DMBT1: variants seen among roughly 807,000 people sequenced by gnomAD.
The protein encoded by DMBT1 is deleted in malignant brain tumors 1.
In DMBT1, 198 loss-of-function variants were observed where a neutral mutation model predicts 252.9. That is an observed-to-expected ratio of 0.78 (90% CI 0.70 to 0.88). The LOEUF (loss-of-function observed/expected upper bound fraction) is 0.88. Ranked by LOEUF, DMBT1 falls within the 40% of genes least tolerant of loss-of-function variation. The pLI is 0.00. For synonymous variants in DMBT1, 990 were observed against 942.7 expected (o/e 1.05, Z -0.92); for missense variants, 2,432 against 2,404.7 (o/e 1.01, Z -0.24).
At chr10:122,620,631 C>A (rs897512185) in intron 43 of DMBT1, among the ~76,000 whole-genome samples, 1 of 152,258 alleles carries the variant, frequency 6.6e-6, no homozygotes, top group African/African-American at 2.4e-5. Flanking sequence ...GGGGAAAGTG[C>A]CTGTCCCCAT....
rs1426277963 is a variant in DMBT1 at position 122,597,044 on chromosome 10, G to A, written c.2907G>A (p.Thr969=). ...VICSAAHSWS[T]PSPDTLPTIT... is the part of the protein sequence containing the mutation. ...TCACAGCTGCCCACTCCTGGTCGAC[G>A]CCCAGTCCAGGTGAGTCCCCAGTGT... The change falls in exon 24 of 56, where the codon ACG becomes ACA. Residue 969 remains threonine, a synonymous_variant. Coordinates refer to ENST00000338354, the MANE Select transcript of DMBT1 (RefSeq NM_001377530.1). 8.1e-5 allele frequency: 46 copies of A among 567,484 alleles called. No individual in the cohort carries two copies. The African/African-American group carries it at 1.2e-3, about 15-fold the overall frequency. The allele number at this position is 567,484 out of a possible 1,614,324, so 35.2% of individuals were successfully genotyped here.
At chr10:122,631,990 T>A in intron 50 of DMBT1, 115 bp downstream of exon 50, 2 of 1,192,990 alleles carry the variant, frequency 1.7e-6, no homozygotes, top group Non-Finnish European at 2.5e-6. Flanking sequence ...TGTGGTACCA[T>A]CCTCTACAGC....
At chr10:122,623,470 G>A (rs762381308) in intron 44 of DMBT1, among the ~76,000 whole-genome samples, 1 of 152,124 alleles carries the variant, frequency 6.6e-6, no homozygotes, top group Non-Finnish European at 1.5e-5. Context: ...ATTTATTGTG[G>A]AAACACTGAA....
At position 122,636,153 on chromosome 10, in the gene DMBT1, AG is replaced by A; in HGVS notation, c.6714del (p.Phe2239SerfsTer27). 6.2e-7 allele frequency: 1 copy of A among 1,613,902 alleles called. No homozygotes were observed. Among genetic ancestry groups the A allele is most frequent in the South Asian group, 1.1e-5 (1 of 91,064 alleles). ...FISDHSITRR[G>X]FRAEYYSSPS... ...TCAGTGACCACAGCATCACAAGGAG[AG>A]GGTTCCGGGCTGAGTACTACTCCAG... On this transcript the variant is annotated frameshift_variant, in exon 53 of 56. Coordinates refer to ENST00000338354, the MANE Select transcript of DMBT1 (RefSeq NM_001377530.1). LOFTEE classifies it high-confidence loss of function.
At chr10:122,562,408 G>A (rs1191789398) in intron 1 of DMBT1, among the ~76,000 whole-genome samples, 1 of 152,178 alleles carries the variant, frequency 6.6e-6, no homozygotes, top group Admixed American at 6.5e-5. Context: ...GTGGTAGGGA[G>A]CAGGCCCACC....
chr10:122,627,963 G>A (rs1320538075), intron 46 of DMBT1, among the ~76,000 whole-genome samples: 1 of 152,194 alleles, frequency 6.6e-6, no homozygotes, highest in Admixed American at 6.5e-5. Context: ...TAGCCGTCAG[G>A]GTCATGCAAA....
chr10:122,631,815 C>G (rs1462746784), intron 49 of DMBT1, 40 bp from the exon 50 acceptor site: 1 of 1,612,902 alleles, frequency 6.2e-7, no homozygotes, highest in South Asian at 1.1e-5. Context: ...CTCCAAGCCA[C>G]ATGTCTGTGA....
chr10:122,632,977 G>A, intron 51 of DMBT1, 87 bp downstream of exon 51: 12 of 1,582,500 alleles, frequency 7.6e-6, no homozygotes, highest in Non-Finnish European at 1.0e-5. Context: ...GGGCTGGGGA[G>A]GAGATGGCTT....
intron 6 of DMBT1, among the ~76,000 whole-genome samples, chr10:122,575,210 A>G (rs946795164): frequency 1.1e-4 from 17 of 152,226 alleles, no homozygotes; most frequent in African/African-American, 2.9e-4. Context: ...AGCCAATGCA[A>G]TGAGAGAAGA....
chr10:122,637,438 T>C (rs1417135454), intron 54 of DMBT1, 126 bp downstream of exon 54: 10 of 1,115,360 alleles, frequency 9.0e-6, no homozygotes, highest in Non-Finnish European at 1.2e-5. Context: ...ATAATTGGAA[T>C]AAAGGAAGAT....
chr10:122,618,879 G>GCACT (rs2098030566), intron 41 of DMBT1, among the ~76,000 whole-genome samples: 1 of 152,256 alleles, frequency 6.6e-6, no homozygotes, highest in African/African-American at 2.4e-5. Flanking sequence ...ATGCTGCAGA[G>GCACT]CACTGCCTGT....
chr10:122,623,861 T>A (rs1353405297), intron 44 of DMBT1, among the ~76,000 whole-genome samples: 1 of 152,210 alleles, frequency 6.6e-6, no homozygotes, highest in Non-Finnish European at 1.5e-5. Flanking sequence ...CATTCCTTCA[T>A]GGAGGCCTAA....
In DMBT1 at chr10:122,588,820, T is replaced by C; in HGVS notation, c.1784-124T>C. ...GAAGCTGAACCTCTGGTTGCAGTCA[T>C]CTTTAATCGTGACTGCCTGCCCAGG... On this transcript the variant is annotated intron_variant, in intron 16 of 55. Transcript: ENST00000338354. The C allele has an allele frequency of 2.7e-6, 4 of 1,490,302 alleles. 1 individual carries two copies. Among genetic ancestry groups the C allele is most frequent in the Non-Finnish European group, 3.7e-6 (4 of 1,094,630 alleles). 92.3% of individuals were successfully genotyped at this position (1,490,302 alleles called of 1,614,324 possible).
At chr10:122,634,783 C>T (rs1329298786) in intron 52 of DMBT1, among the ~76,000 whole-genome samples, 1 of 152,122 alleles carries the variant, frequency 6.6e-6, no homozygotes, top group Non-Finnish European at 1.5e-5. Context: ...AGGTGTGAGC[C>T]ACCATGCCTG....
intron 3 of DMBT1, 96 bp from the exon 4 acceptor site, chr10:122,570,794 G>A (rs558973440): frequency 1.0e-5 from 15 of 1,446,898 alleles, no homozygotes; most frequent in Middle Eastern, 1.7e-4. Context: ...TAGGATCTGT[G>A]TTTCCAGCCC....
At chr10:122,626,277 T>C (rs2098118287) in intron 46 of DMBT1, among the ~76,000 whole-genome samples, 1 of 152,242 alleles carries the variant, frequency 6.6e-6, no homozygotes, top group Non-Finnish European at 1.5e-5. Context: ...CATATGGCTA[T>C]GTTTCAATAG....
intron 21 of DMBT1, 117 bp downstream of exon 21, chr10:122,593,715 C>T (rs1160437987): frequency 2.3e-5 from 30 of 1,322,182 alleles, no homozygotes; most frequent in Middle Eastern, 1.9e-4. Flanking sequence ...ATATTATTTC[C>T]ACCCCCAACA....
rs564277951 is a variant in DMBT1 at position 122,563,997 on chromosome 10, G to A, written c.62-1970G>A. Among the ~76,000 whole-genome samples, 20 of 152,340 alleles carry A rather than the reference G, an allele frequency of 1.3e-4. No individual in the cohort carries two copies. The East Asian group carries it at 3.9e-3, about 29-fold the overall frequency. On this transcript the variant is annotated intron_variant, in intron 1 of 55. Coordinates refer to ENST00000338354, the MANE Select transcript of DMBT1 (RefSeq NM_001377530.1). Reference sequence around the variant, plus strand: ...GGAGCAGGGATGGCATGTCAGAAAAGAGGTGGGGATGTTCTGGTACAGAGT... The same window carrying A: ...GGAGCAGGGATGGCATGTCAGAAAAAAGGTGGGGATGTTCTGGTACAGAGT...
At chr10:122,621,729 G>C (rs1319130464) in intron 44 of DMBT1, among the ~76,000 whole-genome samples, 2 of 152,332 alleles carry the variant, frequency 1.3e-5, no homozygotes, top group East Asian at 3.9e-4. Flanking sequence ...GCGGGGCAGA[G>C]GAGGGATCCT....
Sources: allele counts gnomAD v4.1 joint callset (sites outside exome capture counted in the v4.1 genomes callset), GRCh38; gene constraint gnomAD v4.1.1; transcripts MANE v1.5; gene names NCBI Gene and HGNC (gene_info 2026-07-23, HGNC 2026-07-21).